The following C3orf70 variants were observed in gnomAD, a reference collection of about 807,000 sequenced individuals.
C3orf70 encodes UPF0524 protein C3orf70.
A neutral mutation model predicts 20.7 loss-of-function variants in C3orf70; 15 were observed. The observed-to-expected ratio is 0.72, with a 90% CI of 0.48 to 1.11. The LOEUF is 1.11. Among genes scored for constraint, C3orf70 ranks in the 50% most tolerant of loss-of-function variants. C3orf70 has a pLI of 0.00. For missense variants in C3orf70, 332 were observed against 317.6 expected, an observed-to-expected ratio of 1.05 and a Z score of -0.34; for synonymous variants, 161 against 125.7, an observed-to-expected ratio of 1.28 and a Z score of -1.88.
intron 1 of C3orf70, among the ~76,000 whole-genome samples, chr3:185,120,360 G>A (rs1481529870): frequency 2.0e-5 from 3 of 152,136 alleles, no homozygotes; most frequent in Non-Finnish European, 4.4e-5. Flanking sequence ...GGCATTCTAG[G>A]AGGGGAAAGT....
intron 1 of C3orf70, among the ~76,000 whole-genome samples, chr3:185,096,210 T>C (rs1041865445): frequency 2.6e-5 from 4 of 152,176 alleles, no homozygotes; most frequent in East Asian, 3.8e-4. Context: ...AATTTCAAAA[T>C]TGGTGCCACT....
At chr3:185,116,804 A>C (rs7648670) in intron 1 of C3orf70, among the ~76,000 whole-genome samples, 4,720 of 147,902 alleles carry the variant, frequency 0.032, 106 homozygotes, top group East Asian at 0.094. Flanking sequence ...TTTGAGACGG[A>C]GTCTTGCTCA....
intron 1 of C3orf70, among the ~76,000 whole-genome samples, chr3:185,089,196 C>G (rs73885678): frequency 0.024 from 3,661 of 151,442 alleles, 120 homozygotes; most frequent in African/African-American, 0.084. Flanking sequence ...CTTTTTTCCT[C>G]ATTTTTTTTT....
chr3:185,093,902 G>A (rs898875621), intron 1 of C3orf70, among the ~76,000 whole-genome samples: 1 of 151,826 alleles, frequency 6.6e-6, no homozygotes, highest in African/African-American at 2.4e-5. Context: ...CAGGGGATTG[G>A]TTCGAGGACC....
chr3:185,091,104 T>C (rs1348868732), intron 1 of C3orf70, among the ~76,000 whole-genome samples: 1 of 151,644 alleles, frequency 6.6e-6, no homozygotes, highest in African/African-American at 2.4e-5. Flanking sequence ...TAGTCATGCT[T>C]CTATAGGAGC....
chr3:185,088,791 T>C (rs892123261), intron 1 of C3orf70, among the ~76,000 whole-genome samples: 1 of 152,262 alleles, frequency 6.6e-6, no homozygotes, highest in Non-Finnish European at 1.5e-5. Context: ...AGGTGGCTCT[T>C]GTCTGCAACA....
chr3:185,132,805 A>G (rs1577332130), intron 1 of C3orf70, among the ~76,000 whole-genome samples: 1 of 152,210 alleles, frequency 6.6e-6, no homozygotes, highest in East Asian at 1.9e-4. Context: ...CATCAAAAGA[A>G]TTCCAATACA....
intron 1 of C3orf70, among the ~76,000 whole-genome samples, chr3:185,096,377 C>T (rs1435798085): frequency 1.3e-5 from 2 of 152,202 alleles, no homozygotes; most frequent in Non-Finnish European, 2.9e-5. Flanking sequence ...TGAACCACCT[C>T]TTCCTTACAA....
intron 1 of C3orf70, among the ~76,000 whole-genome samples, chr3:185,137,785 T>A (rs1433821018): frequency 1.3e-5 from 2 of 151,980 alleles, no homozygotes; most frequent in Non-Finnish European, 2.9e-5. Flanking sequence ...AATGCATATA[T>A]TAGAAAGAAT....
At chr3:185,138,936 C>T (rs1014827076) in intron 1 of C3orf70, among the ~76,000 whole-genome samples, 8 of 151,874 alleles carry the variant, frequency 5.3e-5, no homozygotes, top group Non-Finnish European at 7.4e-5. Context: ...CATGTGTCTA[C>T]AAAAAAAGTT....
At chr3:185,148,261 C>T (rs1028781061) in intron 1 of C3orf70, among the ~76,000 whole-genome samples, 2 of 152,216 alleles carry the variant, frequency 1.3e-5, no homozygotes, top group South Asian at 2.1e-4. Context: ...ATCTAATTGC[C>T]TACCGACATC....
intron 1 of C3orf70, among the ~76,000 whole-genome samples, chr3:185,141,948 CG>C (rs1390709589): frequency 1.3e-5 from 2 of 152,064 alleles, no homozygotes; most frequent in East Asian, 3.8e-4. Context: ...AAAAGGAACT[CG>C]GTTTCCTTAG....
intron 1 of C3orf70, among the ~76,000 whole-genome samples, chr3:185,125,587 A>G (rs988973314): frequency 3.3e-5 from 5 of 152,340 alleles, no homozygotes; most frequent in South Asian, 4.1e-4. Context: ...CAGACAAAAT[A>G]GAAACAATCC....
intron 1 of C3orf70, among the ~76,000 whole-genome samples, chr3:185,135,559 G>T (rs1247198016): frequency 1.3e-5 from 2 of 152,182 alleles, no homozygotes; most frequent in African/African-American, 4.8e-5. Context: ...AGACAAAAGG[G>T]ATAATTTCTG....
chr3:185,102,590 G>C (rs555222640), intron 1 of C3orf70, among the ~76,000 whole-genome samples: 1 of 152,244 alleles, frequency 6.6e-6, no homozygotes, highest in East Asian at 1.9e-4. Context: ...AAACGAGCCC[G>C]AATAGACAAG....
chr3:185,136,532 C>T (rs1316960926), intron 1 of C3orf70, among the ~76,000 whole-genome samples: 1 of 150,552 alleles, frequency 6.6e-6, no homozygotes, highest in Non-Finnish European at 1.5e-5. Flanking sequence ...ACCATCCTGG[C>T]TAACACAGTG....
intron 1 of C3orf70, among the ~76,000 whole-genome samples, chr3:185,131,541 C>T (rs1439615338): frequency 1.3e-5 from 2 of 152,128 alleles, no homozygotes; most frequent in African/African-American, 4.8e-5. Flanking sequence ...AAGGGACATA[C>T]AATATAGCAG....
chr3:185,083,878 A>G (rs937547367), intron 1 of C3orf70, among the ~76,000 whole-genome samples: 1 of 152,240 alleles, frequency 6.6e-6, no homozygotes, highest in Non-Finnish European at 1.5e-5. Flanking sequence ...TCATTATACT[A>G]GAACAAAAAA....
rs1328418726 is a variant in C3orf70, at chr3:185,080,798, C to T, written c.*2209G>A. On this transcript the variant is annotated 3_prime_UTR_variant, in exon 2 of 2. Coordinates refer to ENST00000335012, the MANE Select transcript of C3orf70 (RefSeq NM_001025266.3). The stretch of plus-strand genomic sequence containing the variant: ...CAGGGGGAAGCTCCTCATGCTCACA[C>T]CTGCCTCCAACTGCCCTCTCCTGGG... 1.3e-5 allele frequency: 2 copies of T among 152,178 alleles called. No individual in the cohort carries two copies. The highest frequency in any genetic ancestry group is 1.5e-5 in the Non-Finnish European group (1 of 68,048). 9.4% of individuals were successfully genotyped at this position (152,178 alleles called of 1,614,324 possible).
Sources: allele counts gnomAD v4.1 joint callset (sites outside exome capture counted in the v4.1 genomes callset), GRCh38; gene constraint gnomAD v4.1.1; transcripts MANE v1.5; gene names NCBI Gene and HGNC (gene_info 2026-07-23, HGNC 2026-07-21).